Variants in SH3BP4 observed in about 807,000 individuals in gnomAD.
SH3BP4 encodes the protein SH3 domain binding protein 4.
A neutral mutation model predicts 65.5 loss-of-function variants in SH3BP4; 33 were observed. The ratio of observed to expected loss-of-function variants is 0.50; its 90% CI spans 0.38 to 0.67. The LOEUF (loss-of-function observed/expected upper bound fraction) is 0.67, where lower values mean the gene tolerates loss of function less well. Ranked by LOEUF, SH3BP4 falls within the 30% of genes least tolerant of loss-of-function variation. The pLI is 0.00. For synonymous variants in SH3BP4, 552 were observed against 545.5 expected (o/e 1.01, Z -0.17); for missense variants, 1,134 against 1,261.4 (o/e 0.90, Z 1.53).
rs1370293681 is a variant in SH3BP4 at position 235,055,200 on chromosome 2, C to T, written c.*1384C>T. 1.3e-5 allele frequency: 2 copies of T among 152,198 alleles called. No homozygotes were observed. The highest frequency in any genetic ancestry group is 4.8e-5 in the African/African-American group (2 of 41,428). 9.4% of individuals were successfully genotyped at this position (152,198 alleles called of 1,614,324 possible). A position where few individuals can be genotyped will look rare whatever the true frequency, so the allele number is the denominator to read the frequency against. The stretch of plus-strand genomic sequence containing the variant: ...TGATCCTTAGCAACGTGCCAGGACA[C>T]TTCCTGTGTGCCTGCAGTTGTCAGG... On this transcript the variant is annotated 3_prime_UTR_variant, in exon 6 of 6. Transcript: ENST00000392011.
intron 3 of SH3BP4, among the ~76,000 whole-genome samples, chr2:235,038,254 TA>T (rs1394743668): frequency 0.012 from 506 of 41,204 alleles, 32 homozygotes; most frequent in African/African-American, 0.076. Context: ...ATATATTATA[TA>T]TAATATATAT....
At chr2:235,008,132 G>A (rs990783777) in intron 2 of SH3BP4, among the ~76,000 whole-genome samples, 5 of 152,168 alleles carry the variant, frequency 3.3e-5, no homozygotes, top group African/African-American at 4.8e-5. Context: ...GAACAGTGTC[G>A]TGAGCCATTA....
chr2:234,988,209 A>G (rs952025841), intron 1 of SH3BP4, among the ~76,000 whole-genome samples: 5 of 152,080 alleles, frequency 3.3e-5, no homozygotes, highest in African/African-American at 7.2e-5. Flanking sequence ...ATGGGCGCCC[A>G]CCACCACGCC....
At chr2:234,998,108 G>A (rs1357534692) in intron 2 of SH3BP4, among the ~76,000 whole-genome samples, 2 of 152,082 alleles carry the variant, frequency 1.3e-5, no homozygotes, top group Non-Finnish European at 2.9e-5. Flanking sequence ...GGGCGACAGA[G>A]CGAGACTCCA....
At chr2:235,008,240 C>T (rs1049973092) in intron 2 of SH3BP4, among the ~76,000 whole-genome samples, 1 of 152,154 alleles carries the variant, frequency 6.6e-6, no homozygotes. Flanking sequence ...CCACCCTGAC[C>T]TCCCAGCTCA....
At chr2:235,016,588 A>G (rs1264265371) in intron 2 of SH3BP4, among the ~76,000 whole-genome samples, 1 of 151,970 alleles carries the variant, frequency 6.6e-6, no homozygotes, top group African/African-American at 2.4e-5. Flanking sequence ...GCTCACTGCA[A>G]CCTCTGCCCT....
intron 1 of SH3BP4, among the ~76,000 whole-genome samples, chr2:234,969,576 G>A (rs565121479): frequency 1.3e-5 from 2 of 150,786 alleles, no homozygotes; most frequent in African/African-American, 5.0e-5. Flanking sequence ...ATCTGATCGT[G>A]CCTCTTCCTG....
rs1693257851 is a variant in SH3BP4 at position 234,978,839 on chromosome 2, G to T, written c.-206-16464G>T. On this transcript the variant is annotated intron_variant, in intron 1 of 5. Coordinates refer to ENST00000392011, the MANE Select transcript of SH3BP4 (RefSeq NM_014521.3). The surrounding 1 kb of genome is among the most constrained non-coding windows in gnomAD (Gnocchi z 4.1). The stretch of plus-strand genomic sequence containing the variant: ...GAAGGGCAAGAGGCTGGTGAGATCC[G>T]AGAGTCATGCCGCTGCGTGGAGGAA... 6.6e-6 allele frequency: 1 copy of T among 152,262 alleles called. No homozygotes were observed. Among genetic ancestry groups the T allele is most frequent in the African/African-American group, 2.4e-5 (1 of 41,438 alleles). 9.4% of individuals were successfully genotyped at this position (152,262 alleles called of 1,614,324 possible).
At chr2:235,047,535 C>T (rs911765178) in intron 4 of SH3BP4, among the ~76,000 whole-genome samples, 15 of 152,176 alleles carry the variant, frequency 9.9e-5, no homozygotes, top group South Asian at 4.2e-4. Context: ...CATTCAGCAG[C>T]GCCCTTTTGA....
At chr2:235,006,716 C>G (rs754007819) in intron 2 of SH3BP4, among the ~76,000 whole-genome samples, 1 of 152,196 alleles carries the variant, frequency 6.6e-6, no homozygotes, top group Non-Finnish European at 1.5e-5. Flanking sequence ...GAGGCCTGTT[C>G]CCAAATGGAA....
intron 1 of SH3BP4, among the ~76,000 whole-genome samples, chr2:234,965,934 T>G (rs954693528): frequency 6.6e-6 from 1 of 152,220 alleles, no homozygotes; most frequent in Non-Finnish European, 1.5e-5. Context: ...GCAGTAGAGC[T>G]CGCAAATGGG....
intron 2 of SH3BP4, among the ~76,000 whole-genome samples, chr2:235,027,232 G>A (rs1695029348): frequency 6.6e-6 from 1 of 152,230 alleles, no homozygotes. Context: ...AGGACTAGGA[G>A]GCAGATTTCC....
intron 1 of SH3BP4, among the ~76,000 whole-genome samples, chr2:234,956,702 C>T (rs1476243062): frequency 6.6e-6 from 1 of 151,386 alleles, no homozygotes; most frequent in East Asian, 2.0e-4. Flanking sequence ...TACAGGTGCA[C>T]ACCAGCACGC....
intron 2 of SH3BP4, among the ~76,000 whole-genome samples, chr2:235,029,986 GAC>G (rs900870661): frequency 3.5e-4 from 53 of 152,342 alleles, no homozygotes; most frequent in African/African-American, 1.1e-3. Context: ...GCCAGCTGGA[GAC>G]ACAGCAAGTT....
At chr2:234,968,299 G>A (rs1020889222) in intron 1 of SH3BP4, among the ~76,000 whole-genome samples, 3 of 151,922 alleles carry the variant, frequency 2.0e-5, no homozygotes, top group Non-Finnish European at 4.4e-5. Context: ...CTGATGCCCA[G>A]TGAGTTTGTA....
chr2:235,009,985 ACCTCCTTC>A (rs1439945996), intron 2 of SH3BP4, among the ~76,000 whole-genome samples: 1 of 151,426 alleles, frequency 6.6e-6, no homozygotes, highest in African/African-American at 2.4e-5. Context: ...ATGCTCAGTC[ACCTCCTTC>A]TGGTGAGTGC....
chr2:235,049,121 A>G (rs1695966914), intron 4 of SH3BP4, among the ~76,000 whole-genome samples: 1 of 152,164 alleles, frequency 6.6e-6, no homozygotes, highest in Admixed American at 6.5e-5. Context: ...TGAGGGAGAG[A>G]TGCCTTCATT....
rs980767665 is a variant in SH3BP4 at position 234,991,684 on chromosome 2, T to A, written c.-206-3619T>A. Among the ~76,000 whole-genome samples, 3 of 152,160 alleles carry A rather than the reference T, an allele frequency of 2.0e-5. No individual in the cohort carries two copies. The highest frequency in any genetic ancestry group is 7.2e-5 in the African/African-American group (3 of 41,440). On this transcript the variant is annotated intron_variant, in intron 1 of 5. Coordinates refer to ENST00000392011, the MANE Select transcript of SH3BP4 (RefSeq NM_014521.3). This position sits in a 1 kb window ranked among gnomAD's most constrained non-coding sequence, Gnocchi z 4.2. Reference sequence around the variant, plus strand: ...TGACTGAAAGATCGTACCCCCCTCTTCTCAGCAAGGCGGTCCTTGTCCAGA... The same window carrying A: ...TGACTGAAAGATCGTACCCCCCTCTACTCAGCAAGGCGGTCCTTGTCCAGA...
At chr2:234,980,078 A>G (rs1693322923) in intron 1 of SH3BP4, among the ~76,000 whole-genome samples, 2 of 152,160 alleles carry the variant, frequency 1.3e-5, no homozygotes, top group African/African-American at 4.8e-5. Flanking sequence ...TTGGCTGAGC[A>G]TTATGTTCTT....
Sources: allele counts gnomAD v4.1 joint callset (sites outside exome capture counted in the v4.1 genomes callset), GRCh38; gene constraint gnomAD v4.1.1; non-coding constraint Gnocchi (gnomAD v3.1); transcripts MANE v1.5; gene names NCBI Gene and HGNC (gene_info 2026-07-23, HGNC 2026-07-21).